The following SPMAP2L variants were observed in gnomAD, a reference collection of about 807,000 sequenced individuals.
SPMAP2L encodes the protein sperm microtubule associated protein 2 like.
At chr4:56,590,263 A>G in the SPMAP2L span, among the ~76,000 whole-genome samples, 1 of 152,172 alleles carries the variant, frequency 6.6e-6, no homozygotes, top group Admixed American at 6.5e-5. Context: ...TGAGATGATC[A>G]TGTGATTTTT....
the SPMAP2L span, chr4:56,594,452 G>C: frequency 6.2e-7 from 1 of 1,606,032 alleles, no homozygotes; most frequent in Non-Finnish European, 8.5e-7. Context: ...CTGAGAGCTT[G>C]AGAAGGATTT....
the SPMAP2L span, among the ~76,000 whole-genome samples, chr4:56,589,053 A>G: frequency 2.6e-5 from 4 of 151,864 alleles, no homozygotes; most frequent in Admixed American, 2.6e-4. Flanking sequence ...CAGTGGCGCA[A>G]TCTCAGCTCA....
At chr4:56,591,421 A>T in the SPMAP2L span, among the ~76,000 whole-genome samples, 1 of 152,250 alleles carries the variant, frequency 6.6e-6, no homozygotes, top group Non-Finnish European at 1.5e-5. Context: ...GGATAGACTA[A>T]TACACAAAAC....
chr4:56,541,860 G>A, the SPMAP2L span, among the ~76,000 whole-genome samples: 1 of 151,990 alleles, frequency 6.6e-6, no homozygotes, highest in Non-Finnish European at 1.5e-5. Context: ...AGGTTGCCCA[G>A]GCTGGTCTTG....
At chr4:56,593,689 G>A in the SPMAP2L span, 2 of 1,601,458 alleles carry the variant, frequency 1.2e-6, no homozygotes, top group East Asian at 2.2e-5. Context: ...TGAGAATGAT[G>A]CCTGGAAGAA....
chr4:56,584,983 T>A, the SPMAP2L span, among the ~76,000 whole-genome samples: 2 of 152,122 alleles, frequency 1.3e-5, no homozygotes, highest in African/African-American at 4.8e-5. Context: ...AGGGGAAGCC[T>A]CTATGGGTTC....
At chr4:56,577,434 T>C in the SPMAP2L span, among the ~76,000 whole-genome samples, 1 of 152,078 alleles carries the variant, frequency 6.6e-6, no homozygotes, top group Non-Finnish European at 1.5e-5. Context: ...TCAGACAATA[T>C]AGACTTTAAG....
chr4:56,609,610 A>T, the SPMAP2L span, among the ~76,000 whole-genome samples: 1 of 152,196 alleles, frequency 6.6e-6, no homozygotes, highest in Non-Finnish European at 1.5e-5. Context: ...TCCTTCCAAA[A>T]TTCGTGTTGA....
the SPMAP2L span, among the ~76,000 whole-genome samples, chr4:56,616,205 G>A: frequency 6.6e-6 from 1 of 152,152 alleles, no homozygotes; most frequent in Non-Finnish European, 1.5e-5. Flanking sequence ...GTTTTCTTCT[G>A]AGATCTCTGT....
chr4:56,623,278 T>G, the SPMAP2L span, among the ~76,000 whole-genome samples: 1 of 152,180 alleles, frequency 6.6e-6, no homozygotes, highest in African/African-American at 2.4e-5. Flanking sequence ...CATGGAAAAC[T>G]CTTTCCAGTC....
At chr4:56,547,403 G>A in the SPMAP2L span, among the ~76,000 whole-genome samples, 2 of 151,988 alleles carry the variant, frequency 1.3e-5, no homozygotes, top group African/African-American at 4.8e-5. Context: ...ACACCACTAT[G>A]AGTGGCTAAT....
chr4:56,581,004 A>G, the SPMAP2L span, among the ~76,000 whole-genome samples: 1 of 152,196 alleles, frequency 6.6e-6, no homozygotes, highest in Non-Finnish European at 1.5e-5. Context: ...TTAATAAGCC[A>G]GTCACAGAAA....
At chr4:56,553,426 T>C in the SPMAP2L span, among the ~76,000 whole-genome samples, 25 of 151,650 alleles carry the variant, frequency 1.6e-4, no homozygotes, top group South Asian at 4.8e-3. Context: ...CTCCTGTGCT[T>C]AAGTGATCCT....
chr4:56,553,422 T>C, the SPMAP2L span, among the ~76,000 whole-genome samples: 20 of 151,570 alleles, frequency 1.3e-4, no homozygotes, highest in Non-Finnish European at 2.7e-4. Context: ...CAAACTCCTG[T>C]GCTTAAGTGA....
At chr4:56,535,189 G>T in the SPMAP2L span, among the ~76,000 whole-genome samples, 164 of 152,252 alleles carry the variant, frequency 1.1e-3, no homozygotes, top group African/African-American at 3.4e-3. Flanking sequence ...CATTTAAAAT[G>T]TCATCATCTT....
chr4:56,623,966 C>G, the SPMAP2L span, among the ~76,000 whole-genome samples: 1 of 152,096 alleles, frequency 6.6e-6, no homozygotes, highest in African/African-American at 2.4e-5. Flanking sequence ...CAGGCAGAGG[C>G]TGGAACAGTT....
chr4:56,581,589 C>T, the SPMAP2L span, among the ~76,000 whole-genome samples: 1 of 151,698 alleles, frequency 6.6e-6, no homozygotes, highest in African/African-American at 2.4e-5. Flanking sequence ...CACTGCACTC[C>T]AGCCTGGGTG....
the SPMAP2L span, chr4:56,584,442 G>C: frequency 1.7e-6 from 2 of 1,159,034 alleles, no homozygotes; most frequent in Non-Finnish European, 1.2e-6. Context: ...GGAAAATCCA[G>C]TTGTTGTTTC....
chr4:56,530,892 G>A, the SPMAP2L span: 1 of 1,535,178 alleles, frequency 6.5e-7, no homozygotes, highest in South Asian at 1.2e-5. Context: ...AGAGAGACGA[G>A]TCCGAGGAAT....
Sources: allele counts gnomAD v4.1 joint callset (sites outside exome capture counted in the v4.1 genomes callset), GRCh38; gene constraint gnomAD v4.1.1; transcripts MANE v1.5; gene names NCBI Gene and HGNC (gene_info 2026-07-23, HGNC 2026-07-21).